PRRX1: variants seen among roughly 807,000 people sequenced by gnomAD.
PRRX1 encodes paired mesoderm homeobox protein 1.
In PRRX1, 8 loss-of-function variants were observed where a neutral mutation model predicts 24.0. The ratio of observed to expected loss-of-function variants is 0.33; its 90% CI spans 0.20 to 0.60. PRRX1 has a LOEUF of 0.60. Ranked by LOEUF, PRRX1 falls within the 20% of genes least tolerant of loss-of-function variation. PRRX1 has a pLI of 0.82. For synonymous variants in PRRX1, 160 were observed against 131.7 expected (o/e 1.22, Z -1.47); for missense variants, 281 against 322.4 (o/e 0.87, Z 0.98).
rs573594174 is a variant in PRRX1 at position 170,686,186 on chromosome 1, A to G, written c.241+21727A>G. ...GATCCTTAGTTAAGGGTACAAAAAA[A>G]AAAAAAAAACAAGTTGCTATTTACG... On this transcript the variant is annotated intron_variant, in intron 1 of 3. Transcript: ENST00000239461. 3.3e-5 allele frequency among the ~76,000 whole-genome samples: 5 copies of G among 152,152 alleles called. No individual in the cohort carries two copies. The South Asian group carries it at 8.3e-4, about 25-fold the overall frequency.
intron 1 of PRRX1, among the ~76,000 whole-genome samples, chr1:170,670,909 G>A (rs1324714653): frequency 6.6e-6 from 1 of 152,204 alleles, no homozygotes; most frequent in East Asian, 1.9e-4. Flanking sequence ...TAGGAATAAG[G>A]GTCTGAGTTA....
intron 3 of PRRX1, among the ~76,000 whole-genome samples, chr1:170,730,045 T>C (rs1418405106): frequency 6.6e-6 from 1 of 152,092 alleles, no homozygotes; most frequent in African/African-American, 2.4e-5. Flanking sequence ...CTTTCCTAGG[T>C]GAAGTGGATA....
At chr1:170,720,197 G>A (rs1247540004) in intron 2 of PRRX1, among the ~76,000 whole-genome samples, 3 of 152,174 alleles carry the variant, frequency 2.0e-5, no homozygotes, top group Admixed American at 6.5e-5. Context: ...AGAATTGCTT[G>A]AGCCTGGGGG....
intron 1 of PRRX1, among the ~76,000 whole-genome samples, chr1:170,688,242 C>T (rs890849567): frequency 5.9e-5 from 9 of 152,050 alleles, no homozygotes; most frequent in Non-Finnish European, 1.2e-4. Context: ...GGAAAACTAA[C>T]ACTCCAAGTA....
chr1:170,716,445 G>A (rs1157079970), intron 1 of PRRX1, among the ~76,000 whole-genome samples: 2 of 152,216 alleles, frequency 1.3e-5, no homozygotes, highest in African/African-American at 2.4e-5. Context: ...TTAGCTGGGC[G>A]TGGTGGCAGG....
chr1:170,720,717 T>A, intron 2 of PRRX1, among the ~76,000 whole-genome samples: 1 of 152,162 alleles, frequency 6.6e-6, no homozygotes, highest in Non-Finnish European at 1.5e-5. Context: ...AAGAGCACAC[T>A]TAAGTGGATG....
chr1:170,717,632 T>C (rs1654949321), intron 1 of PRRX1, among the ~76,000 whole-genome samples: 2 of 151,690 alleles, frequency 1.3e-5, no homozygotes, highest in Non-Finnish European at 2.9e-5. Flanking sequence ...CAGACTTCTG[T>C]TTTGGGGGCA....
chr1:170,733,647 C>T (rs1397813138), intron 3 of PRRX1, among the ~76,000 whole-genome samples: 2 of 152,086 alleles, frequency 1.3e-5, no homozygotes, highest in African/African-American at 4.8e-5. Flanking sequence ...AATTGTGCAT[C>T]ATCTTTAGGG....
intron 1 of PRRX1, among the ~76,000 whole-genome samples, chr1:170,688,339 C>T (rs549194311): frequency 6.6e-6 from 1 of 152,074 alleles, no homozygotes; most frequent in Non-Finnish European, 1.5e-5. Context: ...ATTAAGGTAT[C>T]TATTTTTTTT....
chr1:170,717,848 A>G lies in PRRX1; in HGVS notation c.242-1878A>G, dbSNP rs1057003672. ...TCTAGTGCTGATCTTATTGCAAACT[A>G]ATTTTGCTAATAGCTAGTGGTATAA... On this transcript the variant is annotated intron_variant, in intron 1 of 3. Transcript: ENST00000239461. Among the ~76,000 whole-genome samples the G allele has an allele frequency of 8.5e-5, 13 of 152,348 alleles. 1 individual carries two copies. In the South Asian group the frequency reaches 1.2e-3, roughly 15 times the overall value.
chr1:170,666,440 A>AT (rs145523058), intron 1 of PRRX1, among the ~76,000 whole-genome samples: 10 of 148,944 alleles, frequency 6.7e-5, no homozygotes, highest in African/African-American at 2.5e-4. Context: ...AAAAAAAAAA[A>AT]GTAGGGAGAA....
intron 1 of PRRX1, among the ~76,000 whole-genome samples, chr1:170,664,960 T>C (rs2101879614): frequency 6.6e-6 from 1 of 152,326 alleles, no homozygotes; most frequent in African/African-American, 2.4e-5. Context: ...TTGGCGCTGC[T>C]CAGGCTGCAC....
rs1246892874 is a variant in PRRX1, at chr1:170,726,316, G to A, written c.514G>A (p.Val172Met). 4 of 1,614,052 alleles carry A rather than the reference G, an allele frequency of 2.5e-6. No homozygotes were observed. The South Asian group carries it at 3.3e-5, about 13-fold the overall frequency. ...ASLLKSYSGD[V>M]TAVEQPIVPR... ...CCTCCTCAAATCCTACTCAGGAGACGTGACTGCTGTGGAGCAGCCCATCGT... is the reference window on the plus strand; with the variant it reads ...CCTCCTCAAATCCTACTCAGGAGACATGACTGCTGTGGAGCAGCCCATCGT... Residue 172 changes from valine to methionine, a missense_variant, in exon 3 of 4, where the codon GTG (valine) becomes ATG (methionine). Coordinates refer to ENST00000239461, the MANE Select transcript of PRRX1 (RefSeq NM_022716.4).
At chr1:170,669,885 A>T (rs1653088797) in intron 1 of PRRX1, among the ~76,000 whole-genome samples, 1 of 152,044 alleles carries the variant, frequency 6.6e-6, no homozygotes, top group Non-Finnish European at 1.5e-5. Context: ...TGAAATCGGG[A>T]GTGTGTTTGT....
chr1:170,735,469 T>G (rs1655573334), intron 3 of PRRX1, among the ~76,000 whole-genome samples: 1 of 152,242 alleles, frequency 6.6e-6, no homozygotes, highest in South Asian at 2.1e-4. Context: ...TTCAGCAAGC[T>G]TGGTGCTATC....
chr1:170,732,453 T>C (rs879258885), intron 3 of PRRX1, among the ~76,000 whole-genome samples: 1 of 152,200 alleles, frequency 6.6e-6, no homozygotes, highest in Non-Finnish European at 1.5e-5. Context: ...CTTAGAGTAC[T>C]CACTCACTAA....
At chr1:170,682,990 C>A (rs1339099109) in intron 1 of PRRX1, among the ~76,000 whole-genome samples, 1 of 152,138 alleles carries the variant, frequency 6.6e-6, no homozygotes, top group East Asian at 1.9e-4. Context: ...GTCAATGTGA[C>A]TGGAAGATAG....
intron 1 of PRRX1, among the ~76,000 whole-genome samples, chr1:170,686,583 T>C (rs1653751325): frequency 6.6e-6 from 1 of 152,128 alleles, no homozygotes; most frequent in Non-Finnish European, 1.5e-5. Flanking sequence ...GAGAAGGAGG[T>C]GGCATGAATA....
chr1:170,706,495 C>A (rs926059730), intron 1 of PRRX1, among the ~76,000 whole-genome samples: 1 of 152,144 alleles, frequency 6.6e-6, no homozygotes, highest in African/African-American at 2.4e-5. Flanking sequence ...CTCAAGATCA[C>A]ATGACTTTTT....
Sources: gnomAD v4.1 joint callset for allele counts (sites outside exome capture counted in the v4.1 genomes callset) on GRCh38, gnomAD v4.1.1 for gene constraint, MANE v1.5 for transcripts, NCBI Gene and HGNC (gene_info 2026-07-23, HGNC 2026-07-21) for gene names.